The following NFASC variants were observed in gnomAD, a reference collection of about 807,000 sequenced individuals.
NFASC encodes the protein neurofascin.
Under a neutral mutation model 147.5 loss-of-function variants are expected in NFASC, and 43 were observed. The ratio of observed to expected loss-of-function variants is 0.29; its 90% CI spans 0.23 to 0.38. The LOEUF is 0.38. Among genes scored for constraint, NFASC ranks in the 10% least tolerant of loss-of-function variants. The probability of loss-of-function intolerance (pLI) is 1.00; values close to 1 mark genes in which losing one functional copy is unlikely to be tolerated. For missense variants in NFASC, 1,320 were observed against 1,689.0 expected, an observed-to-expected ratio of 0.78 and a Z score of 3.83; for synonymous variants, 622 against 665.5, an observed-to-expected ratio of 0.93 and a Z score of 1.01.
intron 1 of NFASC, among the ~76,000 whole-genome samples, chr1:204,835,168 G>A (rs1005870647): frequency 1.1e-4 from 17 of 151,102 alleles, no homozygotes; most frequent in Non-Finnish European, 1.8e-4. Flanking sequence ...TTGGGCTTGG[G>A]TGATCTGGAA....
At chr1:204,886,406 T>C (rs2081324498) in intron 1 of NFASC, among the ~76,000 whole-genome samples, 1 of 152,254 alleles carries the variant, frequency 6.6e-6, no homozygotes. Flanking sequence ...TGTTTTTATG[T>C]GTCTGGCTGT....
intron 1 of NFASC, among the ~76,000 whole-genome samples, chr1:204,919,465 T>C (rs1352136523): frequency 1.3e-5 from 2 of 152,258 alleles, no homozygotes; most frequent in Non-Finnish European, 2.9e-5. Flanking sequence ...TTTTCTATCA[T>C]GTGTTTTTCA....
chr1:204,933,233 C>G (rs74138654), intron 2 of NFASC, among the ~76,000 whole-genome samples: 2,254 of 152,170 alleles, frequency 0.015, 49 homozygotes, highest in African/African-American at 0.051. Context: ...ATGGAGGAGA[C>G]CAACTAGGAG....
chr1:204,850,563 C>G (rs1477049684), intron 1 of NFASC, among the ~76,000 whole-genome samples: 1 of 152,170 alleles, frequency 6.6e-6, no homozygotes, highest in Non-Finnish European at 1.5e-5. Flanking sequence ...CACAGACGTC[C>G]CCCTTGCTAT....
At chr1:204,930,991 T>G (rs533143403) in intron 2 of NFASC, among the ~76,000 whole-genome samples, 1 of 152,244 alleles carries the variant, frequency 6.6e-6, no homozygotes, top group African/African-American at 2.4e-5. Flanking sequence ...TGACTTTTTC[T>G]GGACAAATCC....
Position 204,968,615 on chromosome 1 carries a change from C to G in NFASC, c.819-183C>G. On this transcript the variant is annotated intron_variant, in intron 9 of 29. Transcript: ENST00000339876. The surrounding 1 kb of genome is among the most constrained non-coding windows in gnomAD (Gnocchi z 5.4). ...GCGTTAGAATCTCGTGGGACCTTAG[C>G]TAAGCCTTCAGGCTCTCTGTGGCTG... The G allele has an allele frequency of 1.6e-6, 1 of 635,278 alleles. No individual in the cohort carries two copies. Among genetic ancestry groups the G allele is most frequent in the Non-Finnish European group, 2.7e-6 (1 of 368,422 alleles). The allele number at this position is 635,278 out of a possible 1,614,324, so 39.4% of individuals were successfully genotyped here. A position where few individuals can be genotyped will look rare whatever the true frequency, so the allele number is the denominator to read the frequency against.
chr1:204,845,639 C>A (rs1220741946), intron 1 of NFASC, among the ~76,000 whole-genome samples: 11 of 152,078 alleles, frequency 7.2e-5, no homozygotes, highest in Non-Finnish European at 1.6e-4. Flanking sequence ...TGGTGGTTCA[C>A]ACCTATAATC....
chr1:204,982,350 G>A (rs989843645), intron 21 of NFASC, among the ~76,000 whole-genome samples: 1 of 152,176 alleles, frequency 6.6e-6, no homozygotes, highest in Admixed American at 6.5e-5. Context: ...CAGGTCTTCC[G>A]ATCCCCTGGC....
chr1:204,882,242 T>G (rs7535098), intron 1 of NFASC, among the ~76,000 whole-genome samples: 2 of 152,068 alleles, frequency 1.3e-5, no homozygotes, highest in Non-Finnish European at 2.9e-5. Flanking sequence ...GGCCATGCCT[T>G]CCTTCATGCT....
intron 2 of NFASC, among the ~76,000 whole-genome samples, chr1:204,941,827 C>T (rs952757671): frequency 4.6e-5 from 7 of 152,136 alleles, no homozygotes; most frequent in African/African-American, 1.7e-4. Flanking sequence ...CAGAGAGCAC[C>T]GTCTGTGTAG....
intron 1 of NFASC, among the ~76,000 whole-genome samples, chr1:204,834,351 A>G (rs1236516740): frequency 6.6e-6 from 1 of 152,202 alleles, no homozygotes; most frequent in Non-Finnish European, 1.5e-5. Flanking sequence ...GATTTATGTC[A>G]TTGATTAATT....
At chr1:204,935,656 A>G (rs2092751917) in intron 2 of NFASC, among the ~76,000 whole-genome samples, 1 of 152,148 alleles carries the variant, frequency 6.6e-6, no homozygotes, top group South Asian at 2.1e-4. Flanking sequence ...TTCAGTCTGC[A>G]TGGGGTATAA....
At chr1:204,921,589 T>C (rs1488176984) in intron 2 of NFASC, among the ~76,000 whole-genome samples, 1 of 151,878 alleles carries the variant, frequency 6.6e-6, no homozygotes, top group Non-Finnish European at 1.5e-5. Flanking sequence ...AAGCTGAGAG[T>C]GCCGACGACA....
intron 1 of NFASC, among the ~76,000 whole-genome samples, chr1:204,905,109 A>G (rs2085527869): frequency 6.6e-6 from 1 of 152,004 alleles, no homozygotes; most frequent in Non-Finnish European, 1.5e-5. Flanking sequence ...TTTTGAGATG[A>G]GGTCCTGCTA....
intron 1 of NFASC, among the ~76,000 whole-genome samples, chr1:204,842,061 T>A (rs1180602528): frequency 6.6e-6 from 1 of 152,144 alleles, no homozygotes; most frequent in Admixed American, 6.5e-5. Context: ...CTCAAGACCT[T>A]ATTAGGTATT....
At position 204,975,150 on chromosome 1, in the gene NFASC, G is replaced by T; in HGVS notation, c.1559-121G>T. 3 of 1,096,552 alleles carry T rather than the reference G, an allele frequency of 2.7e-6. No individual in the cohort carries two copies. The highest frequency in any genetic ancestry group is 3.9e-6 in the Non-Finnish European group (3 of 764,548). 67.9% of individuals were successfully genotyped at this position (1,096,552 alleles called of 1,614,324 possible). A position where few individuals can be genotyped will look rare whatever the true frequency, so the allele number is the denominator to read the frequency against. On this transcript the variant is annotated intron_variant, in intron 14 of 29. Coordinates refer to ENST00000339876, the MANE Select transcript of NFASC (RefSeq NM_001005388.3). The surrounding 1 kb of genome is among the most constrained non-coding windows in gnomAD (Gnocchi z 4.0). The stretch of plus-strand genomic sequence containing the variant: ...TGCTCCGTTCATACCATAGCATACT[G>T]TTTGTGCCCCACTCCATAGTTGGCC...
At position 204,983,980 on chromosome 1, in the gene NFASC, G is replaced by A. The variant is rs372586787; in HGVS notation, c.2470+1960G>A. The A allele has an allele frequency of 7.4e-6, 10 of 1,352,444 alleles. No homozygotes were observed. The African/African-American group carries it at 1.3e-4, about 17-fold the overall frequency. 83.8% of individuals were successfully genotyped at this position (1,352,444 alleles called of 1,614,324 possible). A position where few individuals can be genotyped will look rare whatever the true frequency, so the allele number is the denominator to read the frequency against. ...AGCAGAGAACAAGTCAGAAGCAACT[G>A]TAGAGTCCTGCCTGCATAACCAGCT... On this transcript the variant is annotated intron_variant, in intron 21 of 29. Transcript: ENST00000339876.
intron 1 of NFASC, among the ~76,000 whole-genome samples, chr1:204,887,950 TTAA>T (rs2081636113): frequency 1.3e-5 from 2 of 152,158 alleles, no homozygotes; most frequent in African/African-American, 4.8e-5. Flanking sequence ...AGCTCTGTTC[TTAA>T]TAAATTGGTG....
At chr1:204,996,915 G>A (rs1401863538) in intron 24 of NFASC, among the ~76,000 whole-genome samples, 2 of 152,148 alleles carry the variant, frequency 1.3e-5, no homozygotes, top group Non-Finnish European at 2.9e-5. Context: ...TTGGCTGGGT[G>A]CATGCTGGGT....
Sources: allele counts gnomAD v4.1 joint callset (sites outside exome capture counted in the v4.1 genomes callset), GRCh38; gene constraint gnomAD v4.1.1; non-coding constraint Gnocchi (gnomAD v3.1); transcripts MANE v1.5; gene names NCBI Gene and HGNC (gene_info 2026-07-23, HGNC 2026-07-21).